DKK3: variants seen among roughly 807,000 people sequenced by gnomAD.
DKK3 encodes dickkopf Wnt signaling pathway inhibitor 3.
Under a neutral mutation model 33.2 loss-of-function variants are expected in DKK3, and 22 were observed. That is an observed-to-expected ratio of 0.66 (90% CI 0.47 to 0.95). The LOEUF is 0.95. Ranked by LOEUF, DKK3 falls within the 40% of genes least tolerant of loss-of-function variation. The pLI is 0.00. For synonymous variants in DKK3, 194 were observed against 188.8 expected, an observed-to-expected ratio of 1.03 and a Z score of -0.23; for missense variants, 398 against 458.4, an observed-to-expected ratio of 0.87 and a Z score of 1.20.
At chr11:11,970,816 A>G (rs1847709170) in intron 3 of DKK3, among the ~76,000 whole-genome samples, 1 of 152,264 alleles carries the variant, frequency 6.6e-6, no homozygotes, top group Non-Finnish European at 1.5e-5. Context: ...GCCTCCAGAG[A>G]GGAATGCAGC....
chr11:11,998,944 T>C (rs1848363041), intron 2 of DKK3, among the ~76,000 whole-genome samples, 165 bp from the exon 3 acceptor site: 1 of 152,132 alleles, frequency 6.6e-6, no homozygotes, highest in Non-Finnish European at 1.5e-5. Context: ...AGCTGTGAGA[T>C]GGACGGCTTC....
chr11:11,991,339 C>G (rs1016190573), intron 3 of DKK3, among the ~76,000 whole-genome samples: 2 of 152,180 alleles, frequency 1.3e-5, no homozygotes, highest in Non-Finnish European at 2.9e-5. Context: ...GAGGTGGGAC[C>G]TAGCAGAAGG....
At position 12,002,321 on chromosome 11, in the gene DKK3, A is replaced by G. The variant is rs79628149; in HGVS notation, c.330T>C (p.His110=). 2,157 of 1,613,910 alleles carry G rather than the reference A, an allele frequency of 1.3e-3. 30 individuals are homozygous for G. In the African/African-American group the frequency reaches 0.024, roughly 18 times the overall value. The change falls in exon 2 of 7, where the codon CAT becomes CAC. Residue 110 remains histidine, a synonymous_variant. Transcript: ENST00000683431. ...TTACCTTGTGAATTTCTCGGTGCAC[A>G]TGGATGGTATTATTTCCAACCTTCG... The part of the protein sequence containing the change: ...TDTKVGNNTI[H]VHREIHKITN...
At chr11:12,009,257 G>A (rs1234604784), upstream of DKK3, 6 of 984,536 alleles carry the variant, frequency 6.1e-6, no homozygotes, top group South Asian at 1.9e-4. Flanking sequence ...GCAGATGCGG[G>A]AGCGGCGCGG....
intron 3 of DKK3, among the ~76,000 whole-genome samples, chr11:11,985,639 C>A (rs1848054697): frequency 6.6e-6 from 1 of 152,198 alleles, no homozygotes; most frequent in South Asian, 2.1e-4. Context: ...CCCAACTCTG[C>A]CACTGACTAG....
intron 3 of DKK3, among the ~76,000 whole-genome samples, chr11:11,992,307 G>C (rs1222849378): frequency 6.6e-6 from 1 of 152,188 alleles, no homozygotes; most frequent in Non-Finnish European, 1.5e-5. Flanking sequence ...GCTTAGAGCA[G>C]TTCAGGAACT....
upstream of DKK3, chr11:12,009,734 G>A (rs1206911498): frequency 3.0e-6 from 3 of 985,626 alleles, no homozygotes; most frequent in Non-Finnish European, 3.6e-6. Context: ...GCCTTAGTCT[G>A]CCGTGATTGA....
intron 6 of DKK3, 69 bp from the exon 7 acceptor site, chr11:11,964,755 C>T: frequency 6.4e-7 from 1 of 1,552,216 alleles, no homozygotes; most frequent in Non-Finnish European, 8.7e-7. Context: ...CTAAGGCGCC[C>T]TGACTCTGTG....
At chr11:11,972,797 G>A (rs566116220) in intron 3 of DKK3, among the ~76,000 whole-genome samples, 6 of 152,302 alleles carry the variant, frequency 3.9e-5, no homozygotes, top group African/African-American at 1.4e-4. Flanking sequence ...TGTTAAAGGG[G>A]CCTCAGCACC....
chr11:12,000,023 C>T (rs773949347), intron 2 of DKK3, among the ~76,000 whole-genome samples: 35 of 152,194 alleles, frequency 2.3e-4, no homozygotes, highest in Non-Finnish European at 3.7e-4. Flanking sequence ...TTAAAAAATT[C>T]TACAAGCCTG....
At chr11:11,997,589 T>C (rs1848324307) in intron 3 of DKK3, among the ~76,000 whole-genome samples, 1 of 152,172 alleles carries the variant, frequency 6.6e-6, no homozygotes, top group Non-Finnish European at 1.5e-5. Context: ...GTGCCCTAGC[T>C]GGTAGGTGAC....
chr11:11,978,438 C>T (rs1174964281), intron 3 of DKK3, among the ~76,000 whole-genome samples: 2 of 151,014 alleles, frequency 1.3e-5, no homozygotes, highest in African/African-American at 4.9e-5. Context: ...CTTCTTCTTC[C>T]TCTTCCTCTT....
At chr11:11,997,531 G>A (rs1035226141) in intron 3 of DKK3, among the ~76,000 whole-genome samples, 2 of 152,170 alleles carry the variant, frequency 1.3e-5, no homozygotes, top group Admixed American at 6.5e-5. Context: ...GCCAGGGCTG[G>A]GAGAGATGAT....
chr11:12,003,660 G>A (rs1355871404), intron 1 of DKK3, among the ~76,000 whole-genome samples: 1 of 152,042 alleles, frequency 6.6e-6, no homozygotes, highest in Non-Finnish European at 1.5e-5. Context: ...AATTTCAAAT[G>A]AGAGACATAA....
At chr11:11,999,600 C>A (rs1234983648) in intron 2 of DKK3, among the ~76,000 whole-genome samples, 3 of 152,080 alleles carry the variant, frequency 2.0e-5, no homozygotes, top group Admixed American at 6.6e-5. Flanking sequence ...ACTACTCCAG[C>A]CTGGGCGATA....
intron 3 of DKK3, among the ~76,000 whole-genome samples, chr11:11,995,859 G>A (rs774474524): frequency 1.1e-4 from 16 of 152,148 alleles, no homozygotes; most frequent in African/African-American, 1.9e-4. Context: ...AACATGCTGC[G>A]GTGTCCTTTT....
chr11:11,990,371 G>A (rs1052676720), intron 3 of DKK3, among the ~76,000 whole-genome samples: 9 of 152,206 alleles, frequency 5.9e-5, no homozygotes, highest in South Asian at 2.1e-4. Context: ...TCTAAGTAAC[G>A]GTTTCCAGAT....
chr11:12,006,829 T>G (rs922574093), intron 1 of DKK3, among the ~76,000 whole-genome samples: 2 of 152,132 alleles, frequency 1.3e-5, no homozygotes, highest in Non-Finnish European at 2.9e-5. Flanking sequence ...AACATAGAGG[T>G]GACTTAGTCA....
intron 3 of DKK3, among the ~76,000 whole-genome samples, chr11:11,969,730 C>T (rs971971901): frequency 6.6e-6 from 1 of 152,210 alleles, no homozygotes; most frequent in African/African-American, 2.4e-5. Context: ...GCCGGGCAGG[C>T]CTGGACCTCC....
Sources: allele counts gnomAD v4.1 joint callset (sites outside exome capture counted in the v4.1 genomes callset), GRCh38; gene constraint gnomAD v4.1.1; transcripts MANE v1.5; gene names NCBI Gene and HGNC (gene_info 2026-07-23, HGNC 2026-07-21).